The following RNF150 variants were observed in gnomAD, a reference collection of about 807,000 sequenced individuals.
The protein encoded by RNF150 is ring finger protein 150.
A neutral mutation model predicts 39.3 loss-of-function variants in RNF150; 24 were observed. That is an observed-to-expected ratio of 0.61 (90% confidence interval 0.44 to 0.86). The LOEUF is 0.86. RNF150 is among the 40% of genes least tolerant of loss of function. The pLI is 0.00. For synonymous variants in RNF150, 255 were observed against 227.3 expected (o/e 1.12, Z -1.10); for missense variants, 502 against 587.8 (o/e 0.85, Z 1.51).
At chr4:140,942,169 A>G (rs1732113341) in intron 4 of RNF150, among the ~76,000 whole-genome samples, 1 of 152,190 alleles carries the variant, frequency 6.6e-6, no homozygotes, top group Non-Finnish European at 1.5e-5. Context: ...TTTTACCAAA[A>G]AAAACCAAAA....
At chr4:140,886,198 A>G (rs931436655) in intron 6 of RNF150, among the ~76,000 whole-genome samples, 14 of 151,722 alleles carry the variant, frequency 9.2e-5, no homozygotes, top group African/African-American at 2.4e-5. Context: ...CACAAAAAAA[A>G]AAAAAAAAAA....
At chr4:141,172,854 A>G (rs1475457217) in intron 1 of RNF150, among the ~76,000 whole-genome samples, 1 of 151,952 alleles carries the variant, frequency 6.6e-6, no homozygotes, top group Admixed American at 6.6e-5. Flanking sequence ...GTGAAACCCC[A>G]TCTCTACTAA....
chr4:141,202,927 G>A (rs1728312462), intron 1 of RNF150, among the ~76,000 whole-genome samples: 1 of 151,706 alleles, frequency 6.6e-6, no homozygotes, highest in South Asian at 2.1e-4. Flanking sequence ...TTAAGAGTAT[G>A]AGATTTGGCA....
chr4:140,912,238 ATC>A (rs1294424390), intron 5 of RNF150, among the ~76,000 whole-genome samples: 1 of 152,178 alleles, frequency 6.6e-6, no homozygotes, highest in Non-Finnish European at 1.5e-5. Flanking sequence ...ATATATTTCT[ATC>A]TCTTCCACAA....
intron 1 of RNF150, among the ~76,000 whole-genome samples, chr4:141,020,204 A>G (rs959527145): frequency 6.6e-6 from 1 of 151,886 alleles, no homozygotes; most frequent in African/African-American, 2.4e-5. Context: ...TCCATTGCCT[A>G]TGGTGTACTT....
chr4:141,167,761 C>A (rs1167899860), intron 1 of RNF150, among the ~76,000 whole-genome samples: 1 of 152,092 alleles, frequency 6.6e-6, no homozygotes, highest in African/African-American at 2.4e-5. Context: ...TAAAACTGAA[C>A]TCCTTCTTTA....
At chr4:141,045,598 C>A (rs762840963) in intron 1 of RNF150, among the ~76,000 whole-genome samples, 4 of 152,062 alleles carry the variant, frequency 2.6e-5, no homozygotes, top group Non-Finnish European at 4.4e-5. Context: ...GGCTGGAATG[C>A]AGTGGCGTGA....
At chr4:141,143,683 A>T (rs1470826541) in intron 1 of RNF150, among the ~76,000 whole-genome samples, 2 of 152,082 alleles carry the variant, frequency 1.3e-5, no homozygotes, top group African/African-American at 2.4e-5. Flanking sequence ...TCAGTCTGGT[A>T]CTTTCTTTCA....
chr4:141,185,342 GT>G (rs1727985809), intron 1 of RNF150, among the ~76,000 whole-genome samples: 1 of 152,004 alleles, frequency 6.6e-6, no homozygotes, highest in African/African-American at 2.4e-5. Flanking sequence ...TCTATTATTG[GT>G]TTATATGAAT....
rs147609012 is a variant in RNF150, at chr4:141,169,397, A to G, written c.-6+43397T>C. Among the ~76,000 whole-genome samples the G allele has an allele frequency of 6.3e-3, 964 of 152,254 alleles. 7 individuals are homozygous for G. The highest frequency in any genetic ancestry group is 0.024 in the Middle Eastern group (7 of 294). On this transcript the variant is annotated intron_variant, in intron 1 of 7. Transcript: ENST00000420921. Reference sequence around the variant, plus strand: ...ACCATGAGCCAATTAAGCCTCTTTTATTTATAAATTGCCCAGTCTCAGGTA... The same window carrying G: ...ACCATGAGCCAATTAAGCCTCTTTTGTTTATAAATTGCCCAGTCTCAGGTA...
chr4:141,126,238 T>G lies in RNF150; in HGVS notation c.484+6087A>C, dbSNP rs140138175. ...TGGGAACTGAGGCTCTTAAAAAACATGTTTCTTAAATATCTAAGTGATAGA... is the reference window on the plus strand; with the variant it reads ...TGGGAACTGAGGCTCTTAAAAAACAGGTTTCTTAAATATCTAAGTGATAGA... On this transcript the variant is annotated intron_variant, in intron 1 of 6. Transcript: ENST00000515673. Among the ~76,000 whole-genome samples, 408 of 152,218 alleles carry G rather than the reference T, an allele frequency of 2.7e-3. 7 individuals are homozygous for G. Among genetic ancestry groups the G allele is most frequent in the African/African-American group, 9.3e-3 (387 of 41,538 alleles).
chr4:141,206,297 A>G (rs1728373115), intron 1 of RNF150, among the ~76,000 whole-genome samples: 1 of 151,576 alleles, frequency 6.6e-6, no homozygotes, highest in Admixed American at 6.6e-5. Context: ...CAGGTGCCTG[A>G]AAACTCAGCT....
intron 2 of RNF150, among the ~76,000 whole-genome samples, chr4:140,967,164 A>G (rs1733273828): frequency 6.6e-6 from 1 of 152,168 alleles, no homozygotes; most frequent in African/African-American, 2.4e-5. Context: ...TGAGAGACAC[A>G]CATGGGAAGG....
In RNF150 at chr4:140,866,533, G is replaced by A. The variant is rs1366970245; in HGVS notation, c.*1728C>T. Reference sequence around the variant, plus strand: ...TAATAATCATCTGCCTTGCCTTACTGTCTACTTACAAACCATCAAATAGGA... The same window carrying A: ...TAATAATCATCTGCCTTGCCTTACTATCTACTTACAAACCATCAAATAGGA... On this transcript the variant is annotated 3_prime_UTR_variant, in exon 7 of 7. Coordinates refer to ENST00000515673, the MANE Select transcript of RNF150 (RefSeq NM_020724.2). 6.6e-6 allele frequency: 1 copy of A among 152,142 alleles called. No homozygotes were observed. The highest frequency in any genetic ancestry group is 1.5e-5 in the Non-Finnish European group (1 of 68,036). 9.4% of individuals were successfully genotyped at this position (152,142 alleles called of 1,614,324 possible).
At chr4:140,943,608 T>C (rs1435780377) in intron 4 of RNF150, among the ~76,000 whole-genome samples, 1 of 152,202 alleles carries the variant, frequency 6.6e-6, no homozygotes, top group Non-Finnish European at 1.5e-5. Flanking sequence ...CACATACCAT[T>C]CTCTATCATG....
intron 1 of RNF150, among the ~76,000 whole-genome samples, chr4:141,100,677 A>G (rs1355417918): frequency 6.6e-6 from 1 of 152,224 alleles, no homozygotes; most frequent in African/African-American, 2.4e-5. Flanking sequence ...CATGTGTTGC[A>G]TAACAACAGA....
At chr4:140,882,376 A>AT (rs761753675) in intron 6 of RNF150, among the ~76,000 whole-genome samples, 4 of 152,094 alleles carry the variant, frequency 2.6e-5, no homozygotes, top group Non-Finnish European at 4.4e-5. Context: ...AGAATGTTTC[A>AT]TGTGCATTTG....
chr4:141,200,251 T>G (rs1728269307), intron 1 of RNF150, among the ~76,000 whole-genome samples: 1 of 152,130 alleles, frequency 6.6e-6, no homozygotes, highest in South Asian at 2.1e-4. Flanking sequence ...TATTCTCATA[T>G]AGTGGAAAAG....
intron 6 of RNF150, among the ~76,000 whole-genome samples, 170 bp from the exon 7 acceptor site, chr4:140,868,549 A>G (rs898825407): frequency 1.3e-5 from 2 of 152,246 alleles, no homozygotes; most frequent in Non-Finnish European, 2.9e-5. Context: ...CATGGGCCAA[A>G]AAGTTAAATG....
Sources: gnomAD v4.1 joint callset for allele counts (sites outside exome capture counted in the v4.1 genomes callset) on GRCh38, gnomAD v4.1.1 for gene constraint, MANE v1.5 for transcripts, NCBI Gene and HGNC (gene_info 2026-07-23, HGNC 2026-07-21) for gene names.